TMEM266: variants seen among roughly 807,000 people sequenced by gnomAD.
The protein encoded by TMEM266 is Hv1 related protein 1.
TMEM266 carries 33 observed loss-of-function variants against 50.5 expected under a neutral mutation model. The observed-to-expected ratio is 0.65, with a 90% confidence interval of 0.50 to 0.87. The LOEUF is 0.87. TMEM266 is among the 40% of genes least tolerant of loss of function. TMEM266 has a pLI of 0.00. For synonymous variants in TMEM266, 310 were observed against 292.3 expected, an observed-to-expected ratio of 1.06 and a Z score of -0.62; for missense variants, 655 against 695.1, an observed-to-expected ratio of 0.94 and a Z score of 0.65.
Position 76,175,540 on chromosome 15 carries a change from G to T in TMEM266, c.653-19G>T, listed in dbSNP as rs1408460269. On this transcript the variant is annotated intron_variant, in intron 7 of 10. Transcript: ENST00000388942. ...CCTGCCACTGCTGAATTCTTTACAG[G>T]GCTGTCTCTGTCTTCCAGCCTACGT... 5 of 1,601,172 alleles carry T rather than the reference G, an allele frequency of 3.1e-6. No homozygotes were observed. The African/African-American group carries it at 5.4e-5, about 17-fold the overall frequency.
intron 8 of TMEM266, among the ~76,000 whole-genome samples, chr15:76,184,339 A>C (rs979391105): frequency 1.6e-4 from 24 of 152,248 alleles, no homozygotes; most frequent in Non-Finnish European, 2.9e-4. Flanking sequence ...CATCAGAGGA[A>C]TAACTTATGT....
At chr15:76,062,900 A>G (rs546006432) in intron 1 of TMEM266, among the ~76,000 whole-genome samples, 30 of 152,070 alleles carry the variant, frequency 2.0e-4, no homozygotes, top group Non-Finnish European at 3.7e-4. Flanking sequence ...GTGGGGGAAA[A>G]GTTTTCCAAG....
chr15:76,069,445 AGAG>A, intron 1 of TMEM266, among the ~76,000 whole-genome samples: 1 of 152,210 alleles, frequency 6.6e-6, no homozygotes, highest in East Asian at 1.9e-4. Flanking sequence ...TTCCTCTTAA[AGAG>A]GATAGACTGT....
intron 2 of TMEM266, among the ~76,000 whole-genome samples, chr15:76,135,020 T>A (rs961187921): frequency 6.6e-6 from 1 of 152,192 alleles, no homozygotes; most frequent in African/African-American, 2.4e-5. Context: ...TCATGGGTGA[T>A]GTTGGAGGTA....
chr15:76,166,463 C>A (rs530408291), intron 5 of TMEM266, among the ~76,000 whole-genome samples: 4 of 149,036 alleles, frequency 2.7e-5, no homozygotes, highest in African/African-American at 9.7e-5. Context: ...GGGTCCCCTG[C>A]GGATGGGCCA....
intron 1 of TMEM266, among the ~76,000 whole-genome samples, chr15:76,068,224 G>C (rs1284823544): frequency 6.6e-6 from 1 of 152,212 alleles, no homozygotes; most frequent in Admixed American, 6.5e-5. Flanking sequence ...CCAACTTTGG[G>C]AGAGACCTGA....
At position 76,204,145 on chromosome 15, in the gene TMEM266, C is replaced by A. The variant is rs200554943; in HGVS notation, c.1426C>A (p.Pro476Thr). The change falls in exon 11 of 11, where the codon CCC becomes ACC. Residue 476 changes from proline to threonine, a missense_variant. Coordinates refer to ENST00000388942, the MANE Select transcript of TMEM266 (RefSeq NM_152335.3). Reference sequence around the variant, plus strand: ...CCCAGCGGGCTCGGCCCAAACCAGCCCCGAGCTGGAACACAGGGTAAGTCT... The same window carrying A: ...CCCAGCGGGCTCGGCCCAAACCAGCACCGAGCTGGAACACAGGGTAAGTCT... 1 of 1,613,586 alleles carries A rather than the reference C, an allele frequency of 6.2e-7. No homozygotes were observed. The highest frequency in any genetic ancestry group is 2.2e-5 in the East Asian group (1 of 44,872).
chr15:76,192,797 G>A (rs541834026), intron 9 of TMEM266, among the ~76,000 whole-genome samples: 10 of 152,326 alleles, frequency 6.6e-5, no homozygotes, highest in Non-Finnish European at 1.5e-4. Flanking sequence ...ACTCTCTTGG[G>A]GCCTTAGTTT....
chr15:76,169,185 G>C lies in TMEM266; in HGVS notation c.457-631G>C, dbSNP rs149994183. 2.7e-3 allele frequency among the ~76,000 whole-genome samples: 406 copies of C among 152,144 alleles called. 1 individual carries two copies. The highest frequency in any genetic ancestry group is 9.3e-3 in the African/African-American group (386 of 41,494). ...ATTCATTTAAGGGCACAACCTAAAA[G>C]TTGTACTGGGTGCTTCTGCTTGCTA... On this transcript the variant is annotated intron_variant, in intron 5 of 10. Transcript: ENST00000388942.
At chr15:76,182,638 A>G (rs1366974486) in intron 8 of TMEM266, among the ~76,000 whole-genome samples, 1 of 152,092 alleles carries the variant, frequency 6.6e-6, no homozygotes, top group Admixed American at 6.6e-5. Context: ...AGCGAGACTC[A>G]GTCACAAAAA....
intron 1 of TMEM266, among the ~76,000 whole-genome samples, chr15:76,075,644 C>A (rs2036594252): frequency 6.6e-6 from 1 of 151,878 alleles, no homozygotes; most frequent in African/African-American, 2.4e-5. Flanking sequence ...CTTCACACTT[C>A]TAGGCACAGA....
At chr15:76,180,435 G>T (rs1197875186) in intron 8 of TMEM266, among the ~76,000 whole-genome samples, 1 of 151,980 alleles carries the variant, frequency 6.6e-6, no homozygotes, top group African/African-American at 2.4e-5. Flanking sequence ...GCCTGGGGTT[G>T]TGGGTTTTGG....
intron 1 of TMEM266, among the ~76,000 whole-genome samples, chr15:76,066,499 G>A (rs2036422375): frequency 6.6e-6 from 1 of 152,130 alleles, no homozygotes; most frequent in Non-Finnish European, 1.5e-5. Flanking sequence ...AAAGCTGTGA[G>A]TATCAAATCT....
intron 3 of TMEM266, among the ~76,000 whole-genome samples, chr15:76,140,657 A>G (rs565549409): frequency 1.3e-5 from 2 of 152,300 alleles, no homozygotes; most frequent in East Asian, 3.9e-4. Context: ...TAGAGCTGGA[A>G]GAGACCTAAA....
Position 76,192,257 on chromosome 15 carries a change from C to T in TMEM266, c.958+100C>T, listed in dbSNP as rs2038587811. On this transcript the variant is annotated intron_variant, in intron 9 of 10. Coordinates refer to ENST00000388942, the MANE Select transcript of TMEM266 (RefSeq NM_152335.3). ...ACTGTGCGCAGAGTGGATGGGGTTC[C>T]TTTCAGGTGTGTGCCCCTCCTTCAC... 5 of 1,148,150 alleles carry T rather than the reference C, an allele frequency of 4.4e-6. No homozygotes were observed. The Admixed American group carries it at 1.6e-4, about 36-fold the overall frequency. The allele number at this position is 1,148,150 out of a possible 1,614,324, so 71.1% of individuals were successfully genotyped here.
intron 9 of TMEM266, among the ~76,000 whole-genome samples, chr15:76,195,000 C>T (rs929380129): frequency 6.6e-6 from 1 of 152,180 alleles, no homozygotes. Flanking sequence ...TCCTTCCACC[C>T]CAGCTTGCCT....
At chr15:76,158,331 A>G (rs1225240339) in intron 4 of TMEM266, among the ~76,000 whole-genome samples, 1 of 152,192 alleles carries the variant, frequency 6.6e-6, no homozygotes, top group Non-Finnish European at 1.5e-5. Context: ...TTCCAGCATA[A>G]AGTGACCGGT....
chr15:76,099,125 G>A (rs1397909905), intron 1 of TMEM266, among the ~76,000 whole-genome samples: 2 of 152,176 alleles, frequency 1.3e-5, no homozygotes, highest in Non-Finnish European at 2.9e-5. Flanking sequence ...CGCCACTGGG[G>A]TATGGAAAAA....
At chr15:76,099,358 G>A (rs2036965648) in intron 1 of TMEM266, among the ~76,000 whole-genome samples, 1 of 152,170 alleles carries the variant, frequency 6.6e-6, no homozygotes, top group African/African-American at 2.4e-5. Context: ...TGCTTCCCAG[G>A]TGAGGCAACG....
Sources: allele counts gnomAD v4.1 joint callset (sites outside exome capture counted in the v4.1 genomes callset), GRCh38; gene constraint gnomAD v4.1.1; transcripts MANE v1.5; gene names NCBI Gene and HGNC (gene_info 2026-07-23, HGNC 2026-07-21).